The following PCDHGA5 variants were observed in gnomAD, a reference collection of about 807,000 sequenced individuals.
PCDHGA5 encodes the protein protocadherin gamma-A5.
In PCDHGA5, 36 loss-of-function variants were observed where a neutral mutation model predicts 56.7. The observed-to-expected ratio is 0.64, with a 90% CI of 0.49 to 0.84. PCDHGA5 has a LOEUF of 0.84. Ranked by LOEUF, PCDHGA5 falls within the 40% of genes least tolerant of loss-of-function variation. The probability of loss-of-function intolerance (pLI) is 0.00; values close to 1 mark genes in which losing one functional copy is unlikely to be tolerated. For missense variants in PCDHGA5, 1,305 were observed against 1,201.5 expected, an observed-to-expected ratio of 1.09 and a Z score of -1.27; for synonymous variants, 563 against 520.2, an observed-to-expected ratio of 1.08 and a Z score of -1.12.
At chr5:141,393,589 C>T (rs1050679940) in intron 1 of PCDHGA5, 2 of 1,613,920 alleles carry the variant, frequency 1.2e-6, no homozygotes, top group Non-Finnish European at 1.7e-6. Flanking sequence ...CCCCCAGGCA[C>T]GCGGCTGCTT....
chr5:141,495,833 G>A (rs559689667), intron 2 of PCDHGA5, among the ~76,000 whole-genome samples: 3 of 151,876 alleles, frequency 2.0e-5, no homozygotes, highest in African/African-American at 4.8e-5. Context: ...TCTATCCCCA[G>A]CCTCTATGTT....
chr5:141,414,378 C>T lies in PCDHGA5; in HGVS notation c.2421+47627C>T, dbSNP rs958748519. ...ATCTACCATTTAAATTAGAAAAGTC[C>T]ATTGACAGTTATTACAGATTGGTGA... On this transcript the variant is annotated intron_variant, in intron 1 of 3. Coordinates refer to ENST00000518069, the MANE Select transcript of PCDHGA5 (RefSeq NM_018918.3). 3.1e-6 allele frequency: 5 copies of T among 1,613,736 alleles called. No individual in the cohort carries two copies. In the African/African-American group the frequency reaches 5.3e-5, roughly 17 times the overall value.
intron 3 of PCDHGA5, among the ~76,000 whole-genome samples, chr5:141,508,848 TC>T (rs1390332366): frequency 6.6e-5 from 10 of 151,752 alleles, no homozygotes. Context: ...CCCCTTCCAT[TC>T]CCAGGCTGGG....
chr5:141,478,633 TGATGAA>T, intron 1 of PCDHGA5: 4 of 1,553,032 alleles, frequency 2.6e-6, no homozygotes, highest in Non-Finnish European at 3.5e-6. Flanking sequence ...GTTTTTTTAG[TGATGAA>T]GATGTTTTCC....
intron 1 of PCDHGA5, chr5:141,419,158 C>G (rs757849297): frequency 6.2e-7 from 1 of 1,613,950 alleles, no homozygotes; most frequent in South Asian, 1.1e-5. Context: ...CTCCGTTATC[C>G]TCCAGCAAAA....
chr5:141,432,918 A>C lies in PCDHGA5; in HGVS notation c.2422-61889A>C. ...CTGGCGCTCAGGCTGCGGCGCTGGC[A>C]CAAGTCACGCCTGCTGCAGGCTTCA... On this transcript the variant is annotated intron_variant, in intron 1 of 3. Coordinates refer to ENST00000518069, the MANE Select transcript of PCDHGA5 (RefSeq NM_018918.3). This position sits in a 1 kb window ranked among gnomAD's most constrained non-coding sequence, Gnocchi z 6.0. 1 of 1,614,128 alleles carries C rather than the reference A, an allele frequency of 6.2e-7. No homozygotes were observed. Among genetic ancestry groups the C allele is most frequent in the South Asian group, 1.1e-5 (1 of 91,082 alleles).
chr5:141,420,722 A>T (rs1428516588), intron 1 of PCDHGA5, among the ~76,000 whole-genome samples: 4 of 152,226 alleles, frequency 2.6e-5, no homozygotes, highest in Admixed American at 6.5e-5. Flanking sequence ...CGTTCCTTTC[A>T]GTCGGTTAAA....
Position 141,490,885 on chromosome 5 carries a change from T to C in PCDHGA5, c.2422-3922T>C, listed in dbSNP as rs1317781676. The stretch of plus-strand genomic sequence containing the variant: ...CTCTCCCCCATTGCATGCCAACACA[T>C]CTCTGCATGTGTTTGTCCTAGACGA... On this transcript the variant is annotated intron_variant, in intron 1 of 3. Coordinates refer to ENST00000518069, the MANE Select transcript of PCDHGA5 (RefSeq NM_018918.3). This position sits in a 1 kb window ranked among gnomAD's most constrained non-coding sequence, Gnocchi z 5.4. The C allele has an allele frequency of 6.2e-7, 1 of 1,613,872 alleles. No individual in the cohort carries two copies. Among genetic ancestry groups the C allele is most frequent in the Non-Finnish European group, 8.5e-7 (1 of 1,179,904 alleles).
chr5:141,450,470 A>AGTTT (rs199699353), intron 1 of PCDHGA5, among the ~76,000 whole-genome samples: 2,037 of 151,800 alleles, frequency 0.013, 39 homozygotes, highest in African/African-American at 0.044. Flanking sequence ...TTATATATAG[A>AGTTT]GTTTGTTTGT....
At chr5:141,375,579 C>G in intron 1 of PCDHGA5, 1 of 1,614,114 alleles carries the variant, frequency 6.2e-7, no homozygotes, top group South Asian at 1.1e-5. Flanking sequence ...CTCCAGGGGG[C>G]GCCCCTGTCC....
intron 1 of PCDHGA5, chr5:141,423,661 G>A: frequency 1.3e-6 from 2 of 1,555,760 alleles, no homozygotes; most frequent in Non-Finnish European, 1.7e-6. Flanking sequence ...AAGTAATCAG[G>A]TGAGATTTAT....
chr5:141,430,315 T>C (rs185896854), intron 1 of PCDHGA5, among the ~76,000 whole-genome samples: 58 of 151,980 alleles, frequency 3.8e-4, no homozygotes, highest in African/African-American at 1.3e-3. Context: ...CATTATAAGA[T>C]TAAAATCATT....
rs775489120 is a variant in PCDHGA5 at position 141,418,594 on chromosome 5, C to T, written c.2421+51843C>T. ...ACAACCCCCCAGTGTTCAGCCAGGA[C>T]GTGTACAGGGTTAGCCTTCGGGAAG... On this transcript the variant is annotated intron_variant, in intron 1 of 3. Coordinates refer to ENST00000518069, the MANE Select transcript of PCDHGA5 (RefSeq NM_018918.3). The T allele has an allele frequency of 3.1e-6, 5 of 1,614,022 alleles. No individual in the cohort carries two copies. In the Admixed American group the frequency reaches 8.3e-5, roughly 27 times the overall value.
At chr5:141,382,916 G>A (rs1778572994) in intron 1 of PCDHGA5, 12 of 1,554,424 alleles carry the variant, frequency 7.7e-6, no homozygotes, top group Non-Finnish European at 9.6e-6. Flanking sequence ...GCTCAGCCGA[G>A]GGGCGGGGAC....
In PCDHGA5 at chr5:141,487,678, C is replaced by T. The variant is rs1416406108; in HGVS notation, c.2422-7129C>T. ...ATTCTGATCCAGGCATATGGCTAGG[C>T]CATGTCCTAGAGAGTACTGGCCTCT... On this transcript the variant is annotated intron_variant, in intron 1 of 3. Transcript: ENST00000518069. The surrounding 1 kb of genome is among the most constrained non-coding windows in gnomAD (Gnocchi z 5.0). 6.2e-7 allele frequency: 1 copy of T among 1,609,696 alleles called. No individual in the cohort carries two copies. Among genetic ancestry groups the T allele is most frequent in the South Asian group, 1.1e-5 (1 of 90,230 alleles).
At chr5:141,405,978 T>G (rs1280230437) in intron 1 of PCDHGA5, among the ~76,000 whole-genome samples, 1 of 152,144 alleles carries the variant, frequency 6.6e-6, no homozygotes, top group Non-Finnish European at 1.5e-5. Context: ...TAAACCATAC[T>G]TCATGGGGTA....
At position 141,432,950 on chromosome 5, in the gene PCDHGA5, G is replaced by A. The variant is rs750033444; in HGVS notation, c.2422-61857G>A. 9.9e-6 allele frequency: 16 copies of A among 1,614,190 alleles called. No individual in the cohort carries two copies. The highest frequency in any genetic ancestry group is 1.3e-5 in the African/African-American group (1 of 75,060). ...ACGCCTGCTGCAGGCTTCAGGAGGC[G>A]GCTTGACAGGAGCGCCGGCGTCGCA... is the stretch of plus-strand genomic sequence containing the variant. On this transcript the variant is annotated intron_variant, in intron 1 of 3. Coordinates refer to ENST00000518069, the MANE Select transcript of PCDHGA5 (RefSeq NM_018918.3). This position sits in a 1 kb window ranked among gnomAD's most constrained non-coding sequence, Gnocchi z 6.0.
intron 1 of PCDHGA5, chr5:141,389,923 C>G: frequency 6.2e-7 from 1 of 1,614,076 alleles, no homozygotes; most frequent in Non-Finnish European, 8.5e-7. Context: ...CCCGACCCCT[C>G]TGACCTCCAG....
intron 1 of PCDHGA5, chr5:141,478,693 G>A: frequency 6.4e-7 from 1 of 1,550,764 alleles, no homozygotes; most frequent in Non-Finnish European, 8.7e-7. Context: ...CTAGATCAAA[G>A]TTAGTGCCTT....
Sources: gnomAD v4.1 joint callset for allele counts (sites outside exome capture counted in the v4.1 genomes callset) on GRCh38, gnomAD v4.1.1 for gene constraint, Gnocchi (gnomAD v3.1) non-coding constraint, MANE v1.5 for transcripts, NCBI Gene and HGNC (gene_info 2026-07-23, HGNC 2026-07-21) for gene names.